Variants in PCNP observed in about 807,000 individuals in gnomAD.
The protein encoded by PCNP is PEST proteolytic signal-containing nuclear protein.
In PCNP, 6 loss-of-function variants were observed where a neutral mutation model predicts 21.8. That is an observed-to-expected ratio of 0.28 (90% CI 0.15 to 0.54). The LOEUF (loss-of-function observed/expected upper bound fraction) is 0.54. PCNP is among the 20% of genes least tolerant of loss of function. PCNP has a pLI of 0.95. For synonymous variants in PCNP, 67 were observed against 73.2 expected, an observed-to-expected ratio of 0.92 and a Z score of 0.43; for missense variants, 161 against 215.5, an observed-to-expected ratio of 0.75 and a Z score of 1.58.
chr3:101,589,076 T>G (rs1206504273), intron 3 of PCNP, among the ~76,000 whole-genome samples: 1 of 152,242 alleles, frequency 6.6e-6, no homozygotes, highest in African/African-American at 2.4e-5. Context: ...TTATAAGGTT[T>G]GCCAAATGAT....
chr3:101,592,240 C>A (rs973784311), intron 4 of PCNP, among the ~76,000 whole-genome samples: 3 of 151,976 alleles, frequency 2.0e-5, no homozygotes, highest in African/African-American at 7.3e-5. Context: ...GTGGCGTGAT[C>A]TCGGCTCACT....
At chr3:101,575,304 C>T (rs1934811404) in intron 1 of PCNP, among the ~76,000 whole-genome samples, 1 of 152,136 alleles carries the variant, frequency 6.6e-6, no homozygotes, top group African/African-American at 2.4e-5. Flanking sequence ...ATGAAGGCCA[C>T]TAGTAGACCT....
intron 4 of PCNP, 116 bp downstream of exon 4, chr3:101,590,386 T>A (rs1312358749): frequency 1.6e-6 from 1 of 641,254 alleles, no homozygotes; most frequent in African/African-American, 1.8e-5. Flanking sequence ...AGAACAGTTT[T>A]TAAAAGCATG....
At chr3:101,579,720 G>C in intron 1 of PCNP, 70 bp from the exon 2 acceptor site, 1 of 1,016,454 alleles carries the variant, frequency 9.8e-7, no homozygotes, top group Non-Finnish European at 1.6e-6. Flanking sequence ...GATGCTTTTT[G>C]AGGTTGCTGC....
At chr3:101,590,989 G>T (rs1405286667) in intron 4 of PCNP, among the ~76,000 whole-genome samples, 1 of 151,318 alleles carries the variant, frequency 6.6e-6, no homozygotes, top group Non-Finnish European at 1.5e-5. Context: ...GTGTTGCCCA[G>T]GCTGGTCTCA....
chr3:101,586,310 G>C (rs1484771062), intron 3 of PCNP, among the ~76,000 whole-genome samples: 6 of 152,048 alleles, frequency 3.9e-5, no homozygotes, highest in Admixed American at 3.9e-4. Context: ...ATGAGCATGA[G>C]ATGCTTATCT....
chr3:101,585,410 A>ATTTTTAATTTGT, intron 2 of PCNP, 27 bp from the exon 3 acceptor site: 1 of 1,330,360 alleles, frequency 7.5e-7, no homozygotes, highest in East Asian at 2.3e-5. Context: ...TCTACATGAT[A>ATTTTTAATTTGT]TTCTTTTTAA....
rs1344593918 is a variant in PCNP at position 101,593,620 on chromosome 3, GT to G, written c.*868del. On this transcript the variant is annotated 3_prime_UTR_variant, in exon 5 of 5. Transcript: ENST00000265260. ...TTTGGCTGTTTTTATTTTTTAAAAG[GT>G]ATAAACACCAAAAAAAAAATTAACA... The G allele has an allele frequency of 6.6e-6, 1 of 152,124 alleles. No individual in the cohort carries two copies. Among genetic ancestry groups the G allele is most frequent in the Non-Finnish European group, 1.5e-5 (1 of 67,938 alleles). The allele number at this position is 152,124 out of a possible 1,614,324, so 9.4% of individuals were successfully genotyped here. A position where few individuals can be genotyped will look rare whatever the true frequency, so the allele number is the denominator to read the frequency against.
At chr3:101,574,300 G>T in intron 1 of PCNP, 21 bp downstream of exon 1, 1 of 1,530,986 alleles carries the variant, frequency 6.5e-7, no homozygotes, top group Non-Finnish European at 8.8e-7. Context: ...CCCCAGCGTC[G>T]TGGGCAGCGT....
At position 101,579,783 on chromosome 3, in the gene PCNP, T is replaced by G. The variant is rs1193091941; in HGVS notation, c.65-7T>G. On this transcript the variant is annotated splice_polypyrimidine_tract_variant and splice_region_variant and intron_variant, in intron 1 of 4. Coordinates refer to ENST00000265260, the MANE Select transcript of PCNP (RefSeq NM_020357.3). ...CTCATCTTGGTAAGTTGTTTCGACT[T>G]CACCAGGACCTGAAGAAGAAGCAGA... 2.5e-6 allele frequency: 4 copies of G among 1,608,346 alleles called. No homozygotes were observed. Among genetic ancestry groups the G allele is most frequent in the Admixed American group, 1.7e-5 (1 of 59,974 alleles).
intron 1 of PCNP, among the ~76,000 whole-genome samples, chr3:101,577,207 T>G (rs1053284923): frequency 6.6e-6 from 1 of 152,236 alleles, no homozygotes; most frequent in Non-Finnish European, 1.5e-5. Context: ...AGTTTTTTTT[T>G]CTCCTCCCTT....
Position 101,593,454 on chromosome 3 carries a change from T to G in PCNP, c.*701T>G, listed in dbSNP as rs1935914956. The G allele has an allele frequency of 6.6e-6, 1 of 152,660 alleles. No individual in the cohort carries two copies. Among genetic ancestry groups the G allele is most frequent in the Admixed American group, 6.5e-5 (1 of 15,286 alleles). 9.5% of individuals were successfully genotyped at this position (152,660 alleles called of 1,614,324 possible). On this transcript the variant is annotated 3_prime_UTR_variant, in exon 5 of 5. Transcript: ENST00000265260. ...TTGCTACCAAAGTAAATCAGTATTT[T>G]GAATGTGCTTCTCTTGTTTTTTGTT...
intron 1 of PCNP, chr3:101,576,883 C>G: frequency 1.2e-6 from 2 of 1,607,124 alleles, no homozygotes; most frequent in Middle Eastern, 2.1e-4. Context: ...TTTCCGCTGC[C>G]CATCGATGTT....
intron 2 of PCNP, among the ~76,000 whole-genome samples, chr3:101,581,081 CTGT>C (rs1274780352): frequency 2.0e-5 from 3 of 152,134 alleles, no homozygotes; most frequent in Non-Finnish European, 4.4e-5. Flanking sequence ...TTTTAAAAAG[CTGT>C]TATTACTTAG....
Position 101,576,423 on chromosome 3 carries a change from T to A in PCNP, c.64+2144T>A. The A allele has an allele frequency of 2.5e-6, 3 of 1,221,666 alleles. No homozygotes were observed. The South Asian group carries it at 4.8e-5, about 20-fold the overall frequency. The allele number at this position is 1,221,666 out of a possible 1,614,324, so 75.7% of individuals were successfully genotyped here. A position where few individuals can be genotyped will look rare whatever the true frequency, so the allele number is the denominator to read the frequency against. ...CTAATTTTTGTATTTTTATTTTTTA[T>A]TTTTTTTATTTTTTATTTTTTTCAT... On this transcript the variant is annotated intron_variant, in intron 1 of 4. Coordinates refer to ENST00000265260, the MANE Select transcript of PCNP (RefSeq NM_020357.3).
In PCNP at chr3:101,574,205, C is replaced by G. The variant is rs760007044; in HGVS notation, c.-11C>G. 2.6e-6 allele frequency: 4 copies of G among 1,549,136 alleles called. No homozygotes were observed. The highest frequency in any genetic ancestry group is 3.5e-6 in the Non-Finnish European group (4 of 1,145,772). On this transcript the variant is annotated 5_prime_UTR_variant, in exon 1 of 5. Transcript: ENST00000265260. Reference sequence around the variant, plus strand: ...CTTGGCGTGGCTGCAGGGGAGGCCGCGGCGGGGAAAATGGCGGACGGGAAG... The same window carrying G: ...CTTGGCGTGGCTGCAGGGGAGGCCGGGGCGGGGAAAATGGCGGACGGGAAG...
At chr3:101,587,349 G>A (rs930261242) in intron 3 of PCNP, among the ~76,000 whole-genome samples, 1 of 149,968 alleles carries the variant, frequency 6.7e-6, no homozygotes, top group African/African-American at 2.5e-5. Context: ...GGAGAGTTTT[G>A]TAGAGGAATT....
At chr3:101,576,215 A>G (rs1420181078) in intron 1 of PCNP, among the ~76,000 whole-genome samples, 1 of 143,630 alleles carries the variant, frequency 7.0e-6, no homozygotes, top group African/African-American at 2.5e-5. Flanking sequence ...AGTTGGAAGT[A>G]TAAGTTTTTT....
Position 101,590,134 on chromosome 3 carries a change from A to G in PCNP, c.355-81A>G, listed in dbSNP as rs946775659. Reference sequence around the variant, plus strand: ...GTAGTGAAAATGCTAAAAGACTTAGATATAAAATTTAGCGTATTAGTAATC... The same window carrying G: ...GTAGTGAAAATGCTAAAAGACTTAGGTATAAAATTTAGCGTATTAGTAATC... On this transcript the variant is annotated intron_variant, in intron 3 of 4. Coordinates refer to ENST00000265260, the MANE Select transcript of PCNP (RefSeq NM_020357.3). 2.7e-5 allele frequency: 20 copies of G among 753,236 alleles called. No individual in the cohort carries two copies. The African/African-American group carries it at 3.0e-4, about 11-fold the overall frequency. 46.7% of individuals were successfully genotyped at this position (753,236 alleles called of 1,614,324 possible).
Sources: gnomAD v4.1 joint callset for allele counts (sites outside exome capture counted in the v4.1 genomes callset) on GRCh38, gnomAD v4.1.1 for gene constraint, MANE v1.5 for transcripts, NCBI Gene and HGNC (gene_info 2026-07-23, HGNC 2026-07-21) for gene names.